Variants in LIPG observed in about 807,000 individuals in gnomAD.
LIPG encodes the protein endothelial lipase.
In LIPG, 34 loss-of-function variants were observed where a neutral mutation model predicts 51.8. That is an observed-to-expected ratio of 0.66 (90% CI 0.50 to 0.87). The LOEUF is 0.87. LIPG is among the 40% of genes least tolerant of loss of function. LIPG has a pLI of 0.00. For synonymous variants in LIPG, 246 were observed against 246.1 expected, an observed-to-expected ratio of 1.00 and a Z score of 0.00; for missense variants, 580 against 652.7, an observed-to-expected ratio of 0.89 and a Z score of 1.21.
rs755003256 is a variant in LIPG, at chr18:49,583,604, C to A, written c.1206C>A (p.Thr402=). Residue 402 remains threonine, a synonymous_variant, in exon 8 of 10, where the codon ACC becomes ACA. Transcript: ENST00000261292. ...QNATNTFLVY[T]EEDLGDLLKI... is the part of the protein sequence containing the mutation. ...CCACCAACACCTTCCTGGTCTACAC[C>A]GAGGAGGACTTGGGAGACCTCTTGA... The A allele has an allele frequency of 1.2e-6, 2 of 1,614,140 alleles. No individual in the cohort carries two copies.
chr18:49,590,795 C>G lies in LIPG; in HGVS notation c.*273C>G, dbSNP rs1468127721. ...CAAGTCCAGATTTGTGTGTAAGCAGCTGGGTGCCTGGGGCCTCTCGTGCAC... is the reference window on the plus strand; with the variant it reads ...CAAGTCCAGATTTGTGTGTAAGCAGGTGGGTGCCTGGGGCCTCTCGTGCAC... On this transcript the variant is annotated 3_prime_UTR_variant, in exon 10 of 10. Coordinates refer to ENST00000261292, the MANE Select transcript of LIPG (RefSeq NM_006033.4). 1 of 556,810 alleles carries G rather than the reference C, an allele frequency of 1.8e-6. No homozygotes were observed. The highest frequency in any genetic ancestry group is 1.9e-5 in the African/African-American group (1 of 52,896). The allele number at this position is 556,810 out of a possible 1,614,324, so 34.5% of individuals were successfully genotyped here.
rs969193692 is a variant in LIPG, at chr18:49,592,397, T to C, written c.*1875T>C. The C allele has an allele frequency of 6.6e-6, 1 of 152,224 alleles. No individual in the cohort carries two copies. The highest frequency in any genetic ancestry group is 1.5e-5 in the Non-Finnish European group (1 of 68,040). The allele number at this position is 152,224 out of a possible 1,614,324, so 9.4% of individuals were successfully genotyped here. A position where few individuals can be genotyped will look rare whatever the true frequency, so the allele number is the denominator to read the frequency against. On this transcript the variant is annotated 3_prime_UTR_variant, in exon 10 of 10. Coordinates refer to ENST00000261292, the MANE Select transcript of LIPG (RefSeq NM_006033.4). ...GAATGTTTGCATATACATAATGAGA[T>C]ATTTTGGGAATAGGACCCGAGCCTA...
At chr18:49,577,618 C>T (rs1016423164) in intron 5 of LIPG, among the ~76,000 whole-genome samples, 2 of 147,924 alleles carry the variant, frequency 1.4e-5, no homozygotes, top group African/African-American at 5.2e-5. Flanking sequence ...CCCTCACCTC[C>T]CGGACGGGGC....
intron 1 of LIPG, among the ~76,000 whole-genome samples, chr18:49,563,066 G>A (rs2084568377): frequency 6.6e-6 from 1 of 152,216 alleles, no homozygotes; most frequent in African/African-American, 2.4e-5. Context: ...TGCCAGTGGA[G>A]GCAGCTTGCC....
rs368016590 is a variant in LIPG, at chr18:49,575,404, G to A, written c.607G>A (p.Asp203Asn). 2.5e-5 allele frequency: 40 copies of A among 1,613,386 alleles called. No homozygotes were observed. The highest frequency in any genetic ancestry group is 3.0e-5 in the Non-Finnish European group (35 of 1,180,046). ...TGCCGGGCCCATGTTTGAAGGGGCC[G>A]ACATCCACAAGAGGCTCTCTCCGGA... ...DPAGPMFEGA[D>N]IHKRLSPDDA... The change falls in exon 5 of 10, where the codon GAC becomes AAC. Residue 203 changes from aspartate (D) to asparagine (N), a missense_variant. Asp to Asn is a conservative substitution (Grantham distance 23). Coordinates refer to ENST00000261292, the MANE Select transcript of LIPG (RefSeq NM_006033.4).
At chr18:49,563,131 A>T (rs540880130) in intron 1 of LIPG, among the ~76,000 whole-genome samples, 2 of 152,256 alleles carry the variant, frequency 1.3e-5, no homozygotes, top group African/African-American at 4.8e-5. Flanking sequence ...AGTGAGAACT[A>T]AGTCAGCTGA....
chr18:49,565,283 C>T (rs769299756), intron 1 of LIPG, 34 bp from the exon 2 acceptor site: 6 of 1,609,472 alleles, frequency 3.7e-6, no homozygotes, highest in Non-Finnish European at 5.1e-6. Flanking sequence ...CGCAAGTCTG[C>T]TAGATGCACC....
At chr18:49,578,108 C>T (rs1258322176) in intron 5 of LIPG, among the ~76,000 whole-genome samples, 4 of 89,728 alleles carry the variant, frequency 4.5e-5, no homozygotes, top group African/African-American at 1.8e-4. Context: ...GGCGGCTGGC[C>T]GGGCGGGGGG....
rs1050492500 is a variant in LIPG, at chr18:49,596,920, G to A, written c.*6398G>A. 2.0e-5 allele frequency: 3 copies of A among 152,192 alleles called. No homozygotes were observed. Among genetic ancestry groups the A allele is most frequent in the Non-Finnish European group, 4.4e-5 (3 of 68,050 alleles). 9.4% of individuals were successfully genotyped at this position (152,192 alleles called of 1,614,324 possible). ...TATTCTGTGTAGCTGACTTCCACAA[G>A]GGATCTGTTGGGAGCTTGTAACTGA... On this transcript the variant is annotated 3_prime_UTR_variant, in exon 10 of 10. Transcript: ENST00000261292.
upstream of LIPG, chr18:49,561,852 C>G: frequency 4.0e-6 from 5 of 1,261,942 alleles, no homozygotes; most frequent in Non-Finnish European, 4.0e-6. Flanking sequence ...GCGGAGCGGG[C>G]CCGGGAGGAA....
chr18:49,561,941 T>C (rs1392266192), upstream of LIPG: 3 of 1,337,418 alleles, frequency 2.2e-6, no homozygotes, highest in Non-Finnish European at 2.9e-6. Flanking sequence ...GGTTCCGGCG[T>C]CAGCAAGGTG....
chr18:49,567,685 A>C, intron 3 of LIPG, 64 bp downstream of exon 3: 2 of 1,537,058 alleles, frequency 1.3e-6, no homozygotes, highest in Non-Finnish European at 9.0e-7. Flanking sequence ...CTTCTTAAGA[A>C]ATGCAGGTCA....
chr18:49,579,784 T>C (rs1007537542), intron 5 of LIPG, among the ~76,000 whole-genome samples: 140 of 72,248 alleles, frequency 1.9e-3, no homozygotes, highest in African/African-American at 5.9e-3. Context: ...TTTTCTTTTC[T>C]TTTCTTTTCT....
Position 49,562,375 on chromosome 18 carries a change from G to A in LIPG, c.67G>A (p.Val23Ile). 6.2e-7 allele frequency: 1 copy of A among 1,613,952 alleles called. No individual in the cohort carries two copies. The highest frequency in any genetic ancestry group is 1.3e-5 in the African/African-American group (1 of 75,022). ...LCYCFAAGSP[V>I]PFGPEGRLED... ...CTATTGCTTTGCTGCGGGGAGCCCC[G>A]TACCTTTTGGTCCAGAGGGACGGCT... Residue 23 changes from valine (V) to isoleucine (I), a missense_variant, in exon 1 of 10, where the codon GTA becomes ATA. Physicochemically the swap from Val to Ile is conservative, Grantham distance 29. Coordinates refer to ENST00000261292, the MANE Select transcript of LIPG (RefSeq NM_006033.4).
At chr18:49,579,819 T>TTTCCC (rs2084799334) in intron 5 of LIPG, among the ~76,000 whole-genome samples, 1 of 132,880 alleles carries the variant, frequency 7.5e-6, no homozygotes, top group African/African-American at 3.2e-5. Flanking sequence ...TTTTCTTTTC[T>TTTCCC]TTACTTTACT....
intron 3 of LIPG, 158 bp downstream of exon 3, chr18:49,567,779 C>G (rs1356260624): frequency 1.4e-6 from 1 of 701,540 alleles, no homozygotes; most frequent in Non-Finnish European, 2.3e-6. Context: ...GTTTGGAATA[C>G]TTGAAAGCTG....
At chr18:49,576,593 T>G (rs1385354341) in intron 5 of LIPG, among the ~76,000 whole-genome samples, 1 of 150,624 alleles carries the variant, frequency 6.6e-6, no homozygotes. Flanking sequence ...TCAGCCCCAG[T>G]AGCTGGGATT....
At chr18:49,562,042 C>A, upstream of LIPG, 1 of 1,438,548 alleles carries the variant, frequency 7.0e-7, no homozygotes, top group Non-Finnish European at 9.1e-7. Flanking sequence ...AAAACTACCT[C>A]TATAGGAGCG....
At chr18:49,565,273 C>G (rs45455295) in intron 1 of LIPG, 44 bp from the exon 2 acceptor site, 11 of 1,600,442 alleles carry the variant, frequency 6.9e-6, no homozygotes, top group Non-Finnish European at 9.4e-6. Context: ...TCTCTCACTC[C>G]GCAAGTCTGC....
Sources: allele counts gnomAD v4.1 joint callset (sites outside exome capture counted in the v4.1 genomes callset), GRCh38; gene constraint gnomAD v4.1.1; transcripts MANE v1.5; gene names NCBI Gene and HGNC (gene_info 2026-07-23, HGNC 2026-07-21).